Variants in DAB1 observed in about 807,000 individuals in gnomAD.
DAB1 encodes disabled homolog 1.
In DAB1, 15 loss-of-function variants were observed where a neutral mutation model predicts 64.6. The observed-to-expected ratio is 0.23, with a 90% CI of 0.16 to 0.36. The LOEUF is 0.36. Ranked by LOEUF, DAB1 falls within the 10% of genes least tolerant of loss-of-function variation. DAB1 has a pLI of 1.00. For missense variants in DAB1, 596 were observed against 706.7 expected, an observed-to-expected ratio of 0.84 and a Z score of 1.78; for synonymous variants, 235 against 251.9, an observed-to-expected ratio of 0.93 and a Z score of 0.64.
intron 5 of DAB1, among the ~76,000 whole-genome samples, chr1:57,907,058 T>C (rs1023830131): frequency 6.6e-6 from 1 of 152,206 alleles, no homozygotes; most frequent in Non-Finnish European, 1.5e-5. Context: ...TAAAAACACT[T>C]ATACACATTA....
intron 7 of DAB1, among the ~76,000 whole-genome samples, chr1:57,513,198 G>A (rs146707450): frequency 2.0e-4 from 30 of 151,422 alleles, no homozygotes; most frequent in Admixed American, 1.1e-3. Context: ...CACTTCTGCC[G>A]TGTTAGCATC....
intron 3 of DAB1, among the ~76,000 whole-genome samples, chr1:58,493,805 G>A (rs1383811079): frequency 1.2e-4 from 18 of 151,048 alleles, no homozygotes; most frequent in African/African-American, 3.4e-4. Flanking sequence ...ATGCTCATGG[G>A]TAGGAAGAAT....
At chr1:57,689,874 C>T (rs775954438) in intron 6 of DAB1, among the ~76,000 whole-genome samples, 3 of 151,910 alleles carry the variant, frequency 2.0e-5, no homozygotes, top group Non-Finnish European at 2.9e-5. Flanking sequence ...TTCTTTTTTC[C>T]ATTAACTATC....
At chr1:57,915,374 G>A (rs1461528065) in intron 5 of DAB1, among the ~76,000 whole-genome samples, 2 of 152,078 alleles carry the variant, frequency 1.3e-5, no homozygotes, top group East Asian at 3.9e-4. Context: ...GAAAACCCCT[G>A]GTCAGAATCT....
intron 4 of DAB1, among the ~76,000 whole-genome samples, chr1:57,107,052 A>G (rs1655227937): frequency 6.6e-6 from 1 of 152,058 alleles, no homozygotes; most frequent in Admixed American, 6.6e-5. Context: ...AAGGCATAGT[A>G]CGTAAAAAGA....
At chr1:58,232,494 C>CACACACAG (rs1484862928) in intron 4 of DAB1, among the ~76,000 whole-genome samples, 51 of 147,268 alleles carry the variant, frequency 3.5e-4, no homozygotes, top group African/African-American at 1.3e-3. Context: ...CACACACACA[C>CACACACAG]ACACACACAC....
At chr1:57,934,410 G>A (rs1203928778) in intron 5 of DAB1, among the ~76,000 whole-genome samples, 1 of 152,126 alleles carries the variant, frequency 6.6e-6, no homozygotes, top group Admixed American at 6.5e-5. Flanking sequence ...AAATTAGAGA[G>A]TTAGAAAGAA....
chr1:57,104,661 C>G lies in DAB1; in HGVS notation c.306+31882G>C, dbSNP rs6674223. 1.8e-4 allele frequency among the ~76,000 whole-genome samples: 28 copies of G among 152,050 alleles called. No individual in the cohort carries two copies. The East Asian group carries it at 5.3e-3, about 29-fold the overall frequency. On this transcript the variant is annotated intron_variant, in intron 4 of 14. Transcript: ENST00000371236. The stretch of plus-strand genomic sequence containing the variant: ...TTGCCCATCTAGTGTACTCACAAGA[C>G]GGGGCTGATGACAGCTGCCCCAAAA...
At chr1:58,244,951 A>G (rs1660463714) in intron 4 of DAB1, among the ~76,000 whole-genome samples, 2 of 152,186 alleles carry the variant, frequency 1.3e-5, no homozygotes, top group Admixed American at 1.3e-4. Context: ...GCCTCCAGTA[A>G]CCACTGCCTC....
intron 6 of DAB1, among the ~76,000 whole-genome samples, chr1:57,776,704 T>A (rs1207455901): frequency 6.6e-6 from 1 of 151,878 alleles, no homozygotes; most frequent in Non-Finnish European, 1.5e-5. Flanking sequence ...CCATTTCACA[T>A]GTAATGTAAG....
chr1:58,444,327 C>T (rs1228161742), intron 3 of DAB1, among the ~76,000 whole-genome samples: 2 of 152,202 alleles, frequency 1.3e-5, no homozygotes, highest in East Asian at 1.9e-4. Flanking sequence ...CTCATATAAT[C>T]CTCACATCAA....
chr1:57,672,207 T>G (rs761189996), intron 6 of DAB1, among the ~76,000 whole-genome samples: 4 of 152,174 alleles, frequency 2.6e-5, no homozygotes, highest in Non-Finnish European at 5.9e-5. Flanking sequence ...GCTCTTGACC[T>G]GTTATGTTGC....
intron 7 of DAB1, among the ~76,000 whole-genome samples, chr1:57,589,265 A>G (rs1645415948): frequency 6.6e-6 from 1 of 152,196 alleles, no homozygotes; most frequent in Non-Finnish European, 1.5e-5. Context: ...TATCATTTCA[A>G]AAAGAGAAAC....
chr1:57,004,562 G>T (rs539579206), intron 14 of DAB1, among the ~76,000 whole-genome samples: 2 of 152,244 alleles, frequency 1.3e-5, no homozygotes, highest in Non-Finnish European at 2.9e-5. Flanking sequence ...TCAGACTAAA[G>T]CTGGAAGGTG....
chr1:57,977,230 A>C (rs919337297), intron 5 of DAB1, among the ~76,000 whole-genome samples: 1 of 152,160 alleles, frequency 6.6e-6, no homozygotes, highest in African/African-American at 2.4e-5. Context: ...TTCAAGAGAG[A>C]TCTATAGAGA....
At chr1:57,217,534 G>A (rs1159465793) in intron 2 of DAB1, among the ~76,000 whole-genome samples, 1 of 152,060 alleles carries the variant, frequency 6.6e-6, no homozygotes, top group Non-Finnish European at 1.5e-5. Flanking sequence ...AAAAAGAGAA[G>A]CTTATCACTG....
chr1:58,243,001 TTA>T (rs1660366088), intron 4 of DAB1, among the ~76,000 whole-genome samples: 1 of 152,170 alleles, frequency 6.6e-6, no homozygotes, highest in East Asian at 1.9e-4. Context: ...AATGTGATTT[TTA>T]GAGTTAACCT....
chr1:58,250,777 T>C (rs1227331222), intron 4 of DAB1, among the ~76,000 whole-genome samples: 1 of 152,210 alleles, frequency 6.6e-6, no homozygotes, highest in Admixed American at 6.5e-5. Flanking sequence ...TCTGCTCCCC[T>C]GGGAAGTATG....
At chr1:57,723,745 T>C (rs2101762389) in intron 6 of DAB1, among the ~76,000 whole-genome samples, 2 of 152,356 alleles carry the variant, frequency 1.3e-5, no homozygotes, top group Middle Eastern at 3.4e-3. Flanking sequence ...TACATTTTTC[T>C]GGAGGATAAA....
Sources: gnomAD v4.1 joint callset for allele counts (sites outside exome capture counted in the v4.1 genomes callset) on GRCh38, gnomAD v4.1.1 for gene constraint, MANE v1.5 for transcripts, NCBI Gene and HGNC (gene_info 2026-07-23, HGNC 2026-07-21) for gene names.